The following ATP13A4 variants were observed in gnomAD, a reference collection of about 807,000 sequenced individuals.
ATP13A4 encodes ATPase 13A4.
Under a neutral mutation model 142.5 loss-of-function variants are expected in ATP13A4, and 114 were observed. That is an observed-to-expected ratio of 0.80 (90% CI 0.69 to 0.93). The LOEUF (loss-of-function observed/expected upper bound fraction) is 0.93, where lower values mean the gene tolerates loss of function less well. Among genes scored for constraint, ATP13A4 ranks in the 40% least tolerant of loss-of-function variants. The pLI is 0.00. For missense variants in ATP13A4, 1,392 were observed against 1,454.0 expected, an observed-to-expected ratio of 0.96 and a Z score of 0.69; for synonymous variants, 488 against 514.8, an observed-to-expected ratio of 0.95 and a Z score of 0.70.
At chr3:193,466,785 G>T (rs1718313831) in intron 10 of ATP13A4, among the ~76,000 whole-genome samples, 1 of 142,010 alleles carries the variant, frequency 7.0e-6, no homozygotes, top group African/African-American at 2.7e-5. Flanking sequence ...TTTATATACT[G>T]CAAAGGCACA....
At position 193,399,039 on chromosome 3, in the gene ATP13A4, CA is replaced by C. The variant is rs1336131075; in HGVS notation, c.*3612del. On this transcript the variant is annotated 3_prime_UTR_variant, in exon 30 of 30. Coordinates refer to ENST00000342695, the MANE Select transcript of ATP13A4 (RefSeq NM_032279.4). ...GCTCTGAATAAATAATCGTTTTTTT[CA>C]GTCATCACATCTGCAGGTGTGTATG... is the stretch of plus-strand genomic sequence containing the variant. Among the ~76,000 whole-genome samples the C allele has an allele frequency of 1.3e-5, 2 of 151,998 alleles. No homozygotes were observed. Among genetic ancestry groups the C allele is most frequent in the Non-Finnish European group, 2.9e-5 (2 of 67,984 alleles).
chr3:193,581,335 G>A (rs2174320), intron 2 of ATP13A4, among the ~76,000 whole-genome samples: 79,636 of 151,944 alleles, frequency 0.52, 21,584 homozygotes, highest in African/African-American at 0.66. Context: ...GACAATCAAC[G>A]AAAAACAAAT....
At chr3:193,497,002 G>A (rs371265641) in intron 3 of ATP13A4, among the ~76,000 whole-genome samples, 71 of 152,060 alleles carry the variant, frequency 4.7e-4, no homozygotes, top group African/African-American at 1.6e-3. Context: ...CATGACATTG[G>A]TCTGGGCAAG....
At chr3:193,463,258 AG>A (rs1364995491) in intron 12 of ATP13A4, among the ~76,000 whole-genome samples, 1 of 152,152 alleles carries the variant, frequency 6.6e-6, no homozygotes, top group Non-Finnish European at 1.5e-5. Flanking sequence ...GATTGTTTTG[AG>A]GATCTAATGG....
chr3:193,536,505 A>G (rs1031521993), intron 1 of ATP13A4, among the ~76,000 whole-genome samples: 1 of 152,118 alleles, frequency 6.6e-6, no homozygotes, highest in African/African-American at 2.4e-5. Context: ...TTTCAACTTA[A>G]TAAGGAGCAT....
chr3:193,402,874 A>G lies in ATP13A4; in HGVS notation c.3379-10T>C, dbSNP rs1335080588. 6.2e-7 allele frequency: 1 copy of G among 1,612,980 alleles called. No individual in the cohort carries two copies. The highest frequency in any genetic ancestry group is 1.1e-5 in the South Asian group (1 of 91,036). On this transcript the variant is annotated splice_polypyrimidine_tract_variant and intron_variant, in intron 29 of 29. Transcript: ENST00000342695. ...TTTCAATAACAGCCTCCTGCAAAAT[A>G]AAATAATTACTTTTTACAAGCAAGG... is the stretch of plus-strand genomic sequence containing the variant.
intron 1 of ATP13A4, among the ~76,000 whole-genome samples, chr3:193,517,550 G>C (rs1721481065): frequency 1.3e-5 from 2 of 152,124 alleles, no homozygotes; most frequent in African/African-American, 4.8e-5. Flanking sequence ...GCGCGATCTC[G>C]GCTCACTGCA....
chr3:193,410,928 G>A, intron 28 of ATP13A4, 54 bp downstream of exon 28: 2 of 1,175,118 alleles, frequency 1.7e-6, no homozygotes, highest in Non-Finnish European at 2.5e-6. Flanking sequence ...GCTTTTTAAA[G>A]TTAAACTGTT....
At position 193,462,302 on chromosome 3, in the gene ATP13A4, G is replaced by C. The variant is rs74365758; in HGVS notation, c.1523+460C>G. Among the ~76,000 whole-genome samples the C allele has an allele frequency of 7.2e-3, 1,087 of 151,864 alleles. 12 individuals carry two copies. Among genetic ancestry groups the C allele is most frequent in the African/African-American group, 0.025 (1,027 of 41,432 alleles). On this transcript the variant is annotated intron_variant, in intron 13 of 29. Transcript: ENST00000342695. ...TCAAAATTTGAATACCAAGAAACAT[G>C]AGTACACTAGCTACGGTTCTACAAA... is the stretch of plus-strand genomic sequence containing the variant.
chr3:193,517,276 G>A (rs569400705), intron 1 of ATP13A4, among the ~76,000 whole-genome samples: 83 of 152,168 alleles, frequency 5.5e-4, no homozygotes, highest in Non-Finnish European at 8.4e-4. Flanking sequence ...GTCTCAAGGA[G>A]CTCATTAGTT....
chr3:193,474,322 CAAAAAA>C (rs1176133187), intron 8 of ATP13A4, among the ~76,000 whole-genome samples: 1 of 69,090 alleles, frequency 1.4e-5, no homozygotes, highest in African/African-American at 5.1e-5. Flanking sequence ...GACTCCGTCT[CAAAAAA>C]AAAAAAAAAA....
chr3:193,554,649 CGTGCGTGT>C (rs1723790153), intron 1 of ATP13A4, 83 bp downstream of exon 1: 22 of 1,323,648 alleles, frequency 1.7e-5, no homozygotes, highest in Non-Finnish European at 2.2e-5. Flanking sequence ...GTGTGTGATG[CGTGCGTGT>C]GTGTGTGTGT....
intron 25 of ATP13A4, chr3:193,417,181 G>A (rs564061330): frequency 6.6e-6 from 1 of 152,312 alleles, no homozygotes; most frequent in Middle Eastern, 3.4e-3. Context: ...AACAGAAGCT[G>A]AAAGAGTTTG....
At chr3:193,425,199 G>T (rs1372930490) in intron 25 of ATP13A4, among the ~76,000 whole-genome samples, 3 of 151,164 alleles carry the variant, frequency 2.0e-5, no homozygotes, top group African/African-American at 7.3e-5. Flanking sequence ...TTATCAAAAA[G>T]ACAAAAAATA....
At chr3:193,505,771 G>C (rs912487283) in intron 2 of ATP13A4, among the ~76,000 whole-genome samples, 1 of 152,148 alleles carries the variant, frequency 6.6e-6, no homozygotes, top group Non-Finnish European at 1.5e-5. Context: ...TGGAAGGAAA[G>C]TACACCAGTG....
chr3:193,460,231 T>G (rs926844781), intron 13 of ATP13A4, among the ~76,000 whole-genome samples: 6 of 152,216 alleles, frequency 3.9e-5, no homozygotes, highest in African/African-American at 1.4e-4. Context: ...AACAGCTTGA[T>G]CAGGCCTCCC....
chr3:193,546,820 C>A (rs1381366760), intron 1 of ATP13A4, among the ~76,000 whole-genome samples: 1 of 152,192 alleles, frequency 6.6e-6, no homozygotes, highest in African/African-American at 2.4e-5. Flanking sequence ...CTTAACCTCC[C>A]TATGCCTAAA....
chr3:193,411,641 G>A (rs1714770808), intron 27 of ATP13A4, among the ~76,000 whole-genome samples: 1 of 152,136 alleles, frequency 6.6e-6, no homozygotes, highest in Non-Finnish European at 1.5e-5. Flanking sequence ...GATTAAACAG[G>A]TCACTCATTT....
At chr3:193,529,078 T>C (rs1266413131) in intron 1 of ATP13A4, among the ~76,000 whole-genome samples, 1 of 152,146 alleles carries the variant, frequency 6.6e-6, no homozygotes, top group Non-Finnish European at 1.5e-5. Context: ...AAGACCATCC[T>C]AGCTAACATG....
Sources: allele counts gnomAD v4.1 joint callset (sites outside exome capture counted in the v4.1 genomes callset), GRCh38; gene constraint gnomAD v4.1.1; transcripts MANE v1.5; gene names NCBI Gene and HGNC (gene_info 2026-07-23, HGNC 2026-07-21).